SNX6: variants seen among roughly 807,000 people sequenced by gnomAD.
The protein encoded by SNX6 is sorting nexin 6.
A neutral mutation model predicts 63.0 loss-of-function variants in SNX6; 34 were observed. The ratio of observed to expected loss-of-function variants is 0.54; its 90% CI spans 0.41 to 0.72. The LOEUF (loss-of-function observed/expected upper bound fraction) is 0.72. SNX6 is among the 30% of genes least tolerant of loss of function. The pLI is 0.00. For missense variants in SNX6, 398 were observed against 471.4 expected (o/e 0.84, Z 1.44); for synonymous variants, 170 against 164.2 (o/e 1.04, Z -0.27).
At chr14:34,616,812 C>G (rs1487349838) in intron 2 of SNX6, among the ~76,000 whole-genome samples, 1 of 152,108 alleles carries the variant, frequency 6.6e-6, no homozygotes, top group African/African-American at 2.4e-5. Flanking sequence ...GTGGCTCATG[C>G]CTGGCATCCC....
intron 6 of SNX6, 137 bp from the exon 7 acceptor site, chr14:34,597,782 T>A: frequency 1.7e-6 from 1 of 580,626 alleles, no homozygotes; most frequent in South Asian, 2.2e-5. Context: ...ATCATGCACA[T>A]CAATGATTTT....
intron 10 of SNX6, among the ~76,000 whole-genome samples, chr14:34,576,939 A>C (rs1044142200): frequency 5.9e-5 from 9 of 151,324 alleles, no homozygotes; most frequent in African/African-American, 2.2e-4. Flanking sequence ...AAAATTAGCC[A>C]GGCATGGTGG....
intron 13 of SNX6, 149 bp from the exon 14 acceptor site, chr14:34,563,324 C>T (rs937397976): frequency 3.8e-5 from 25 of 653,902 alleles, no homozygotes; most frequent in Admixed American, 1.5e-4. Context: ...TCTGGGAGGC[C>T]GAGGCGGGTG....
intron 7 of SNX6, among the ~76,000 whole-genome samples, chr14:34,597,042 AT>A (rs1351503462): frequency 6.6e-6 from 1 of 152,220 alleles, no homozygotes. Flanking sequence ...TAAATGTTAA[AT>A]GTAAAAACAG....
At chr14:34,581,623 C>T in intron 9 of SNX6, 23 bp from the exon 10 acceptor site, 1 of 1,387,982 alleles carries the variant, frequency 7.2e-7, no homozygotes, top group Non-Finnish European at 1.0e-6. Context: ...ATATTTTCAT[C>T]ATATTCTACA....
rs1191937500 is a variant in SNX6, at chr14:34,567,865, G to A, written c.1070C>T (p.Ser357Phe). 6.2e-7 allele frequency: 1 copy of A among 1,613,906 alleles called. No individual in the cohort carries two copies. Among genetic ancestry groups the A allele is most frequent in the East Asian group, 2.2e-5 (1 of 44,876 alleles). Reference sequence around the variant, plus strand: ...TAACGTAACAGTACCTTGTTTTGCAGACTCAGATATTTTTTCAAATTTCTG... The same window carrying A: ...TAACGTAACAGTACCTTGTTTTGCAAACTCAGATATTTTTTCAAATTTCTG... ...CCQKFEKISE[S>F]AKQELIDFKT... The change falls in exon 12 of 14, where the codon TCT becomes TTT. Residue 357 changes from serine (S) to phenylalanine (F), a missense_variant. Transcript: ENST00000362031.
intron 11 of SNX6, among the ~76,000 whole-genome samples, chr14:34,571,702 C>T (rs1380025440): frequency 6.6e-6 from 1 of 152,306 alleles, no homozygotes; most frequent in Non-Finnish European, 1.5e-5. Flanking sequence ...CATGCATCCA[C>T]AGCACATTTC....
chr14:34,568,065 T>G (rs778641611), intron 11 of SNX6, 52 bp from the exon 12 acceptor site: 1 of 1,508,658 alleles, frequency 6.6e-7, no homozygotes, highest in Admixed American at 1.8e-5. Flanking sequence ...TTTCCAGTAG[T>G]CACACCCAGC....
At chr14:34,627,360 T>C (rs985285598) in intron 2 of SNX6, among the ~76,000 whole-genome samples, 1 of 151,858 alleles carries the variant, frequency 6.6e-6, no homozygotes, top group Non-Finnish European at 1.5e-5. Context: ...GGCAGGACAA[T>C]GGCGTGAATC....
chr14:34,609,797 T>G (rs1024257003), intron 2 of SNX6, 55 bp from the exon 3 acceptor site: 12 of 1,260,792 alleles, frequency 9.5e-6, no homozygotes, highest in Admixed American at 6.0e-5. Flanking sequence ...TAATTTCATT[T>G]TTTCTCTTAA....
chr14:34,578,140 G>T (rs527881091), intron 10 of SNX6, among the ~76,000 whole-genome samples: 2 of 152,214 alleles, frequency 1.3e-5, no homozygotes, highest in East Asian at 3.9e-4. Context: ...GGAGGCAAAG[G>T]TTGCAGTGAG....
chr14:34,570,251 T>C (rs1400153792), intron 11 of SNX6, among the ~76,000 whole-genome samples: 1 of 152,000 alleles, frequency 6.6e-6, no homozygotes, highest in Admixed American at 6.6e-5. Context: ...GTATTTTTAG[T>C]AGAGACAGGG....
At chr14:34,578,937 CAAAAAAAAAAAAAAAAA>C (rs71121210) in intron 10 of SNX6, among the ~76,000 whole-genome samples, 2 of 22,538 alleles carry the variant, frequency 8.9e-5, no homozygotes, top group African/African-American at 2.2e-4. Context: ...GACTTCATCT[CAAAAAAAAAAAAAAAAA>C]AAAAAAAAAA....
At chr14:34,591,447 C>G (rs1882389473) in intron 8 of SNX6, among the ~76,000 whole-genome samples, 1 of 152,072 alleles carries the variant, frequency 6.6e-6, no homozygotes, top group African/African-American at 2.4e-5. Flanking sequence ...GTCTATCTAG[C>G]CGGGCACGGT....
chr14:34,570,356 G>A (rs1881389568), intron 11 of SNX6, among the ~76,000 whole-genome samples: 2 of 149,964 alleles, frequency 1.3e-5, no homozygotes, highest in Admixed American at 1.3e-4. Flanking sequence ...GTGAGCCACT[G>A]TGCCTGGTCT....
At chr14:34,619,046 A>C (rs905661476) in intron 2 of SNX6, among the ~76,000 whole-genome samples, 2 of 152,210 alleles carry the variant, frequency 1.3e-5, no homozygotes, top group Non-Finnish European at 2.9e-5. Flanking sequence ...AAGAGGAAAG[A>C]AAGAAAGGTG....
chr14:34,575,745 A>C lies in SNX6; in HGVS notation c.921+11T>G, dbSNP rs1470852480. ...TGTAAAATGGCTCATTTAAAAAAAG[A>C]TTAAAATTACCTTAGCAGCTTGAGA... is the stretch of plus-strand genomic sequence containing the variant. On this transcript the variant is annotated intron_variant, in intron 11 of 13. Transcript: ENST00000362031. 6.6e-7 allele frequency: 1 copy of C among 1,510,664 alleles called. No homozygotes were observed. The allele number at this position is 1,510,664 out of a possible 1,614,324, so 93.6% of individuals were successfully genotyped here.
chr14:34,566,460 G>C (rs1328123574), intron 13 of SNX6, among the ~76,000 whole-genome samples: 1 of 151,662 alleles, frequency 6.6e-6, no homozygotes, highest in Non-Finnish European at 1.5e-5. Flanking sequence ...TAATCCACCC[G>C]GTCTTGGCCT....
intron 11 of SNX6, chr14:34,568,638 T>TG (rs1881300561): frequency 2.7e-6 from 2 of 738,646 alleles, no homozygotes; most frequent in African/African-American, 1.8e-5. Context: ...CAGCCTGTTT[T>TG]TTTTTTTTTT....
Sources: allele counts gnomAD v4.1 joint callset (sites outside exome capture counted in the v4.1 genomes callset), GRCh38; gene constraint gnomAD v4.1.1; transcripts MANE v1.5; gene names NCBI Gene and HGNC (gene_info 2026-07-23, HGNC 2026-07-21).